The following NTNG1 variants were observed in gnomAD, a reference collection of about 807,000 sequenced individuals.
NTNG1 encodes netrin-G1.
Under a neutral mutation model 54.0 loss-of-function variants are expected in NTNG1, and 16 were observed. That is an observed-to-expected ratio of 0.30 (90% CI 0.20 to 0.45). The LOEUF (loss-of-function observed/expected upper bound fraction) is 0.45. NTNG1 is among the 20% of genes least tolerant of loss of function. The pLI, the probability that NTNG1 is intolerant of heterozygous loss-of-function variation, is 1.00. For missense variants in NTNG1, 530 were observed against 678.7 expected (o/e 0.78, Z 2.43); for synonymous variants, 255 against 263.1 (o/e 0.97, Z 0.30).
chr1:107,222,328 T>C (rs1660398998), intron 2 of NTNG1, among the ~76,000 whole-genome samples: 1 of 152,164 alleles, frequency 6.6e-6, no homozygotes, highest in South Asian at 2.1e-4. Flanking sequence ...GAGAGATATG[T>C]ATAAACCTAG....
At chr1:107,289,064 T>C (rs1396143693) in intron 2 of NTNG1, among the ~76,000 whole-genome samples, 1 of 152,184 alleles carries the variant, frequency 6.6e-6, no homozygotes, top group African/African-American at 2.4e-5. Context: ...CTCCAGCTTC[T>C]CTTTATTCTT....
chr1:107,408,480 G>GC (rs1020154015), intron 5 of NTNG1: 3 of 152,140 alleles, frequency 2.0e-5, no homozygotes, highest in African/African-American at 7.2e-5. Flanking sequence ...CACTTCCCCA[G>GC]TATCACTACA....
chr1:107,252,583 C>T (rs908229827), intron 2 of NTNG1, among the ~76,000 whole-genome samples: 1 of 152,160 alleles, frequency 6.6e-6, no homozygotes, highest in African/African-American at 2.4e-5. Context: ...TTTCTCTGCT[C>T]AGTTTTGCTG....
At chr1:107,378,955 C>T (rs562375375) in intron 3 of NTNG1, among the ~76,000 whole-genome samples, 39 of 152,312 alleles carry the variant, frequency 2.6e-4, no homozygotes, top group Non-Finnish European at 1.0e-4. Flanking sequence ...TTGTGTTTAC[C>T]ACTGCATTAA....
intron 2 of NTNG1, among the ~76,000 whole-genome samples, chr1:107,190,552 A>G (rs1027243819): frequency 5.9e-5 from 9 of 152,058 alleles, no homozygotes; most frequent in African/African-American, 1.4e-4. Context: ...CATTAGGTAT[A>G]TCTCCTAATG....
At chr1:107,444,882 C>G (rs975426407) in intron 7 of NTNG1, among the ~76,000 whole-genome samples, 7 of 152,042 alleles carry the variant, frequency 4.6e-5, no homozygotes, top group Non-Finnish European at 8.8e-5. Context: ...TCTTTTCTTA[C>G]GTAAGTACAT....
intron 2 of NTNG1, among the ~76,000 whole-genome samples, chr1:107,311,196 G>A (rs1037275950): frequency 6.6e-6 from 1 of 152,112 alleles, no homozygotes; most frequent in Non-Finnish European, 1.5e-5. Flanking sequence ...GTGCCATTCA[G>A]TGCTTTTTCC....
At chr1:107,295,276 CA>C (rs1665874297) in intron 2 of NTNG1, among the ~76,000 whole-genome samples, 1 of 152,160 alleles carries the variant, frequency 6.6e-6, no homozygotes, top group African/African-American at 2.4e-5. Flanking sequence ...TTTTAAGCGT[CA>C]TTACCTATAC....
At chr1:107,234,393 G>A (rs1661267827) in intron 2 of NTNG1, among the ~76,000 whole-genome samples, 1 of 152,032 alleles carries the variant, frequency 6.6e-6, no homozygotes, top group African/African-American at 2.4e-5. Context: ...AAAGTGCTGG[G>A]ATTACAGGCA....
At chr1:107,159,462 A>C (rs150087944) in intron 2 of NTNG1, among the ~76,000 whole-genome samples, 2 of 152,284 alleles carry the variant, frequency 1.3e-5, no homozygotes, top group Non-Finnish European at 2.9e-5. Context: ...ACATGGTGTC[A>C]TGCACTGTAC....
chr1:107,357,384 A>T (rs1669997547), intron 3 of NTNG1, among the ~76,000 whole-genome samples: 1 of 152,350 alleles, frequency 6.6e-6, no homozygotes, highest in Non-Finnish European at 1.5e-5. Context: ...TGATTCATTC[A>T]GGATTATAAC....
chr1:107,455,899 T>A (rs1469907470), intron 7 of NTNG1, among the ~76,000 whole-genome samples: 2 of 152,102 alleles, frequency 1.3e-5, no homozygotes, highest in African/African-American at 4.8e-5. Flanking sequence ...TAAAATGGTG[T>A]ATGAGGAAAA....
chr1:107,291,519 G>A (rs758503769), intron 2 of NTNG1, among the ~76,000 whole-genome samples: 7 of 152,110 alleles, frequency 4.6e-5, no homozygotes, highest in Non-Finnish European at 1.0e-4. Context: ...ATATGTATGT[G>A]TGTACGTGTG....
chr1:107,395,226 C>A lies in NTNG1; in HGVS notation c.960C>A (p.Asn320Lys). ...AATTGACATGCGAATGTGAGCACAA[C>A]ACTACAGGTCCAGACTGTGGGAAAT... ...NSKLTCECEH[N>K]TTGPDCGKCK... is the part of the protein sequence containing the mutation. Residue 320 changes from asparagine to lysine, a missense_variant, in exon 4 of 8, where the codon AAC becomes AAA. By Grantham distance (94) the Asn-to-Lys change is moderately conservative (BLOSUM62 0). Coordinates refer to ENST00000370068, the MANE Select transcript of NTNG1 (RefSeq NM_001113226.3). 6.2e-7 allele frequency: 1 copy of A among 1,613,536 alleles called. No homozygotes were observed. The highest frequency in any genetic ancestry group is 8.5e-7 in the Non-Finnish European group (1 of 1,179,570).
intron 3 of NTNG1, among the ~76,000 whole-genome samples, chr1:107,361,206 AATAT>A (rs997288400): frequency 6.9e-6 from 1 of 144,000 alleles, no homozygotes; most frequent in Non-Finnish European, 1.5e-5. Flanking sequence ...GTATAAAATA[AATAT>A]ATATAAATTA....
chr1:107,383,516 A>G (rs1467266524), intron 3 of NTNG1, among the ~76,000 whole-genome samples: 1 of 152,266 alleles, frequency 6.6e-6, no homozygotes, highest in Non-Finnish European at 1.5e-5. Flanking sequence ...GAAGTTGGTT[A>G]CCATAAACCA....
intron 3 of NTNG1, among the ~76,000 whole-genome samples, chr1:107,371,071 T>A (rs10748504): frequency 0.98 from 148,802 of 152,228 alleles, 72,818 homozygotes; most frequent in Middle Eastern, 1. Flanking sequence ...GAAAGCATTC[T>A]GTCTTTGACC....
At chr1:107,242,258 G>T (rs954636003) in intron 2 of NTNG1, among the ~76,000 whole-genome samples, 2 of 152,130 alleles carry the variant, frequency 1.3e-5, no homozygotes, top group Non-Finnish European at 2.9e-5. Flanking sequence ...AAAGTTTGCC[G>T]TGAGGCAAGA....
chr1:107,239,332 A>G (rs1012537491), intron 2 of NTNG1, among the ~76,000 whole-genome samples: 4 of 152,228 alleles, frequency 2.6e-5, no homozygotes, highest in African/African-American at 9.6e-5. Flanking sequence ...AGCAAGACCC[A>G]GATCAAAGAC....
Sources: gnomAD v4.1 joint callset for allele counts (sites outside exome capture counted in the v4.1 genomes callset) on GRCh38, gnomAD v4.1.1 for gene constraint, MANE v1.5 for transcripts, NCBI Gene and HGNC (gene_info 2026-07-23, HGNC 2026-07-21) for gene names.